The following HGSNAT variants were observed in gnomAD, a reference collection of about 807,000 sequenced individuals.
The protein encoded by HGSNAT is transmembrane protein 76.
Under a neutral mutation model 85.2 loss-of-function variants are expected in HGSNAT, and 59 were observed. The observed-to-expected ratio is 0.69, with a 90% CI of 0.56 to 0.86. The LOEUF is 0.86. HGSNAT is among the 40% of genes least tolerant of loss of function. The probability of loss-of-function intolerance (pLI) is 0.00; values close to 1 mark genes in which losing one functional copy is unlikely to be tolerated. For synonymous variants in HGSNAT, 321 were observed against 304.5 expected, an observed-to-expected ratio of 1.05 and a Z score of -0.56; for missense variants, 756 against 777.1, an observed-to-expected ratio of 0.97 and a Z score of 0.32.
chr8:43,163,706 T>G (rs951228235), intron 5 of HGSNAT, among the ~76,000 whole-genome samples: 1 of 151,998 alleles, frequency 6.6e-6, no homozygotes, highest in African/African-American at 2.4e-5. Context: ...TTAGTAGAGA[T>G]GAGGTTTCAG....
At chr8:43,175,626 C>CA (rs1803784974) in intron 9 of HGSNAT, among the ~76,000 whole-genome samples, 1 of 134,372 alleles carries the variant, frequency 7.4e-6, no homozygotes, top group South Asian at 2.3e-4. Flanking sequence ...AGTGCAGTGG[C>CA]ATGATCTTGG....
At chr8:43,195,480 TAGGAGGAGGAGAAGGAAG>T (rs1563384565) in intron 14 of HGSNAT, among the ~76,000 whole-genome samples, 1 of 144,730 alleles carries the variant, frequency 6.9e-6, no homozygotes, top group Non-Finnish European at 1.5e-5. Context: ...GTATGAGTAG[TAGGAGGAGGAGAAGGAAG>T]AGGAGGAGGA....
intron 15 of HGSNAT, chr8:43,197,320 A>C (rs888812826): frequency 2.2e-5 from 12 of 534,534 alleles, no homozygotes; most frequent in African/African-American, 2.1e-4. Context: ...AGACTGGGCA[A>C]ATCAGACCAG....
intron 16 of HGSNAT, 35 bp downstream of exon 16, chr8:43,197,777 T>C (rs756440074): frequency 1.3e-6 from 2 of 1,597,294 alleles, no homozygotes; most frequent in African/African-American, 2.7e-5. Context: ...TATGGATGAC[T>C]GTTCATGCTG....
At chr8:43,152,952 G>A (rs1215493325) in intron 2 of HGSNAT, among the ~76,000 whole-genome samples, 3 of 151,956 alleles carry the variant, frequency 2.0e-5, no homozygotes, top group Non-Finnish European at 4.4e-5. Context: ...AAGTAAATGA[G>A]TCAGAGGATC....
intron 2 of HGSNAT, among the ~76,000 whole-genome samples, chr8:43,153,628 C>T (rs1802992230): frequency 6.6e-6 from 1 of 152,174 alleles, no homozygotes; most frequent in African/African-American, 2.4e-5. Flanking sequence ...TTATTGTTAA[C>T]TATAGTCACC....
chr8:43,195,497 AGAGGAG>A (rs201742479), intron 14 of HGSNAT, among the ~76,000 whole-genome samples: 1 of 143,982 alleles, frequency 6.9e-6, no homozygotes, highest in South Asian at 2.4e-4. Flanking sequence ...AGGAGAAGGA[AGAGGAG>A]GAGGAGGAGG....
chr8:43,156,843 C>T (rs1396951583), intron 2 of HGSNAT, among the ~76,000 whole-genome samples: 2 of 152,006 alleles, frequency 1.3e-5, no homozygotes, highest in Non-Finnish European at 2.9e-5. Flanking sequence ...TACTCTTGAC[C>T]TTTTTTGTTT....
intron 5 of HGSNAT, among the ~76,000 whole-genome samples, chr8:43,162,136 A>G (rs1803286294): frequency 6.6e-6 from 1 of 152,192 alleles, no homozygotes; most frequent in Admixed American, 6.5e-5. Flanking sequence ...AGTTTTTTTC[A>G]TGTTTTAAAA....
chr8:43,182,391 G>T (rs1488232908), intron 11 of HGSNAT, 131 bp downstream of exon 11: 1 of 781,906 alleles, frequency 1.3e-6, no homozygotes, highest in African/African-American at 1.7e-5. Flanking sequence ...TCCTGCCTTG[G>T]CCACCCAAAG....
chr8:43,178,679 A>G (rs1803903231), intron 10 of HGSNAT, among the ~76,000 whole-genome samples: 1 of 147,348 alleles, frequency 6.8e-6, no homozygotes, highest in South Asian at 2.1e-4. Flanking sequence ...GTCATAGGAC[A>G]ATAGTGGAGG....
Position 43,161,491 on chromosome 8 carries a change from C to T in HGSNAT, c.547C>T (p.Leu183=), listed in dbSNP as rs1344634897. The T allele has an allele frequency of 1.2e-6, 2 of 1,608,332 alleles. No individual in the cohort carries two copies. Among genetic ancestry groups the T allele is most frequent in the Non-Finnish European group, 1.7e-6 (2 of 1,177,238 alleles). ...TGCTGTCATCATTGTGATATCCTTT[C>T]TGAGGCTCTTGTTGAGGTAAGATAT... ...GLAVIIVISF[L]RLLLSLDDFN... The change falls in exon 5 of 18, where the codon CTG becomes TTG. Residue 183 remains leucine (L), a synonymous_variant. Coordinates refer to ENST00000379644, the MANE Select transcript of HGSNAT (RefSeq NM_152419.3).
intron 11 of HGSNAT, 91 bp downstream of exon 11, chr8:43,182,351 T>C (rs1333157403): frequency 9.5e-7 from 1 of 1,057,544 alleles, no homozygotes; most frequent in Non-Finnish European, 1.5e-6. Context: ...TTGTCCAGAC[T>C]GGTCCCTCAC....
At chr8:43,173,609 C>G (rs1055825616) in intron 8 of HGSNAT, 104 bp from the exon 9 acceptor site, 2 of 1,283,610 alleles carry the variant, frequency 1.6e-6, no homozygotes, top group Admixed American at 2.0e-5. Flanking sequence ...CTGCGCCTCC[C>G]CTGGGTTTAC....
At chr8:43,161,374 G>A in intron 4 of HGSNAT, 64 bp from the exon 5 acceptor site, 3 of 1,257,928 alleles carry the variant, frequency 2.4e-6, no homozygotes, top group East Asian at 2.3e-5. Context: ...ATGTAATGAT[G>A]TGATGTCTTT....
rs563079121 is a variant in HGSNAT, at chr8:43,172,451, A to C, written c.820+65A>C. On this transcript the variant is annotated intron_variant, in intron 8 of 17. Coordinates refer to ENST00000379644, the MANE Select transcript of HGSNAT (RefSeq NM_152419.3). ...CTTCACAGAGCTTCAGGGCAGGAGA[A>C]TCACTCAGCATTCTCCCCAGAAACT... is the stretch of plus-strand genomic sequence containing the variant. 2.6e-6 allele frequency: 3 copies of C among 1,151,456 alleles called. No homozygotes were observed. The Admixed American group carries it at 5.3e-5, about 20-fold the overall frequency. 71.3% of individuals were successfully genotyped at this position (1,151,456 alleles called of 1,614,324 possible).
At chr8:43,177,598 T>C (rs189782319) in intron 9 of HGSNAT, among the ~76,000 whole-genome samples, 2 of 149,464 alleles carry the variant, frequency 1.3e-5, no homozygotes, top group East Asian at 3.9e-4. Context: ...AGTAATTTAG[T>C]ATGGTCAAAG....
intron 17 of HGSNAT, 24 bp from the exon 18 acceptor site, chr8:43,199,364 C>T: frequency 6.7e-7 from 1 of 1,503,066 alleles, no homozygotes; most frequent in Non-Finnish European, 9.1e-7. Context: ...GAAACATGAT[C>T]TTCTGTATGT....
intron 1 of HGSNAT, among the ~76,000 whole-genome samples, chr8:43,144,291 C>T (rs1802645455): frequency 6.7e-6 from 1 of 149,612 alleles, no homozygotes; most frequent in Non-Finnish European, 1.5e-5. Flanking sequence ...TGCCACTGCA[C>T]TCCAGCCTGG....
Sources: gnomAD v4.1 joint callset for allele counts (sites outside exome capture counted in the v4.1 genomes callset) on GRCh38, gnomAD v4.1.1 for gene constraint, MANE v1.5 for transcripts, NCBI Gene and HGNC (gene_info 2026-07-23, HGNC 2026-07-21) for gene names.